INTS4: variants seen among roughly 807,000 people sequenced by gnomAD.
INTS4 encodes the protein integrator complex subunit 4, also known as MSTP093.
In INTS4, 70 loss-of-function variants were observed where a neutral mutation model predicts 119.5. The ratio of observed to expected loss-of-function variants is 0.59; its 90% CI spans 0.48 to 0.71. INTS4 has a LOEUF of 0.71. Ranked by LOEUF, INTS4 falls within the 30% of genes least tolerant of loss-of-function variation. The pLI is 0.00. For missense variants in INTS4, 867 were observed against 1,173.2 expected, an observed-to-expected ratio of 0.74 and a Z score of 3.81; for synonymous variants, 316 against 419.6, an observed-to-expected ratio of 0.75 and a Z score of 3.02.
At chr11:77,938,331 G>A (rs1349640380) in intron 10 of INTS4, among the ~76,000 whole-genome samples, 1 of 152,010 alleles carries the variant, frequency 6.6e-6, no homozygotes, top group Non-Finnish European at 1.5e-5. Context: ...AAATAGGCAC[G>A]TGTATTATGC....
chr11:77,988,688 T>A (rs1484400645), intron 2 of INTS4, among the ~76,000 whole-genome samples: 1 of 152,238 alleles, frequency 6.6e-6, no homozygotes, highest in Non-Finnish European at 1.5e-5. Flanking sequence ...TCACCATTTA[T>A]AACATAGTCT....
At chr11:77,884,857 T>C in intron 21 of INTS4, 1 of 354,688 alleles carries the variant, frequency 2.8e-6, no homozygotes. Flanking sequence ...TGGGCGCAAG[T>C]GATCTTCCTG....
chr11:77,932,651 T>G (rs987473351), intron 10 of INTS4, among the ~76,000 whole-genome samples: 1 of 152,120 alleles, frequency 6.6e-6, no homozygotes. Flanking sequence ...TAAGAACACA[T>G]GCACACATAT....
rs1565258645 is a variant in INTS4 at position 77,938,739 on chromosome 11, G to A, written c.1077C>T (p.Pro359=). The A allele has an allele frequency of 6.2e-7, 1 of 1,611,890 alleles. No homozygotes were observed. Among genetic ancestry groups the A allele is most frequent in the Non-Finnish European group, 8.5e-7 (1 of 1,179,834 alleles). The stretch of plus-strand genomic sequence containing the variant: ...CAGCCCCGGTATCTACTTCTTCCTT[G>A]GGAGCATCATCTCCCCACTTTCTGC... The part of the protein sequence containing the change: ...SSGRKWGDDA[P]KEEVDTGAVN... The change falls in exon 10 of 23, where the codon CCC becomes CCT. Residue 359 remains proline (P), a synonymous_variant. Transcript: ENST00000534064.
intron 12 of INTS4, chr11:77,922,694 C>A: frequency 3.1e-6 from 2 of 637,526 alleles, no homozygotes; most frequent in East Asian, 3.5e-5. Flanking sequence ...GGTTATTTAA[C>A]CAAGAGCCAT....
chr11:77,934,464 G>A (rs1028670489), intron 10 of INTS4, among the ~76,000 whole-genome samples: 2 of 151,772 alleles, frequency 1.3e-5, no homozygotes, highest in African/African-American at 4.8e-5. Context: ...ACTGCAGGGA[G>A]ACAAATCCCA....
chr11:77,967,745 T>C (rs1040407825), intron 4 of INTS4, among the ~76,000 whole-genome samples: 6 of 151,840 alleles, frequency 4.0e-5, no homozygotes, highest in South Asian at 2.1e-4. Flanking sequence ...TAAAACCAGA[T>C]TGCAAGACAT....
chr11:77,939,064 T>C (rs1367213134), intron 9 of INTS4, among the ~76,000 whole-genome samples: 2 of 152,204 alleles, frequency 1.3e-5, no homozygotes, highest in Non-Finnish European at 2.9e-5. Context: ...GAAGAATGTG[T>C]TAAGAAAGTC....
chr11:77,924,986 C>G (rs938939078), intron 11 of INTS4, 94 bp from the exon 12 acceptor site: 2 of 885,794 alleles, frequency 2.3e-6, no homozygotes, highest in Non-Finnish European at 3.4e-6. Flanking sequence ...ACCTTCCCAT[C>G]TAGGGTGGCC....
At chr11:77,973,102 A>G (rs1855797294) in intron 4 of INTS4, among the ~76,000 whole-genome samples, 1 of 152,120 alleles carries the variant, frequency 6.6e-6, no homozygotes, top group Middle Eastern at 3.2e-3. Flanking sequence ...TCAACCTCCC[A>G]TAGTGCTGGG....
At chr11:77,987,037 T>C (rs1469819957) in intron 2 of INTS4, 1 of 152,206 alleles carries the variant, frequency 6.6e-6, no homozygotes, top group Non-Finnish European at 1.5e-5. Flanking sequence ...AATTTATGAT[T>C]AAAATAATAT....
At chr11:77,985,787 C>T (rs1034665425) in intron 2 of INTS4, among the ~76,000 whole-genome samples, 2 of 152,092 alleles carry the variant, frequency 1.3e-5, no homozygotes, top group Non-Finnish European at 2.9e-5. Context: ...TATGGTCTGC[C>T]GACTACACTG....
chr11:77,982,136 C>CTTT (rs777434800), intron 2 of INTS4, among the ~76,000 whole-genome samples: 2 of 131,322 alleles, frequency 1.5e-5, no homozygotes, highest in African/African-American at 2.8e-5. Context: ...TTCTACCTGT[C>CTTT]TTTTTTTTTT....
intron 18 of INTS4, among the ~76,000 whole-genome samples, chr11:77,897,511 T>A (rs866531842): frequency 3.4e-4 from 52 of 151,498 alleles, no homozygotes; most frequent in South Asian, 6.2e-4. Context: ...TATTATTATT[T>A]TTTTTTTGAG....
chr11:77,910,207 T>C (rs1434791654), intron 15 of INTS4, among the ~76,000 whole-genome samples: 1 of 152,010 alleles, frequency 6.6e-6, no homozygotes, highest in African/African-American at 2.4e-5. Flanking sequence ...TGTCCAACAA[T>C]GATAGACTGG....
chr11:77,915,767 G>C (rs1953191559), intron 15 of INTS4, among the ~76,000 whole-genome samples: 1 of 152,148 alleles, frequency 6.6e-6, no homozygotes, highest in African/African-American at 2.4e-5. Context: ...TATCTTCCTA[G>C]ACTACATAAG....
intron 6 of INTS4, 61 bp from the exon 7 acceptor site, chr11:77,958,895 A>G (rs1304032701): frequency 8.3e-6 from 9 of 1,078,284 alleles, no homozygotes; most frequent in South Asian, 3.9e-5. Context: ...TGTTTAAACT[A>G]TTTTCAAAGT....
At chr11:77,951,152 T>C (rs1308228495) in intron 8 of INTS4, among the ~76,000 whole-genome samples, 1 of 152,180 alleles carries the variant, frequency 6.6e-6, no homozygotes, top group Non-Finnish European at 1.5e-5. Context: ...GTTCCAAGTC[T>C]TTGCTATTGT....
intron 9 of INTS4, among the ~76,000 whole-genome samples, chr11:77,940,590 T>C (rs1347163890): frequency 6.6e-6 from 1 of 152,192 alleles, no homozygotes; most frequent in Non-Finnish European, 1.5e-5. Flanking sequence ...TCCTAACAAA[T>C]AGAAAATTAA....
Sources: allele counts gnomAD v4.1 joint callset (sites outside exome capture counted in the v4.1 genomes callset), GRCh38; gene constraint gnomAD v4.1.1; transcripts MANE v1.5; gene names NCBI Gene and HGNC (gene_info 2026-07-23, HGNC 2026-07-21).